The following SPATS2L variants were observed in gnomAD, a reference collection of about 807,000 sequenced individuals.
SPATS2L encodes spermatogenesis associated serine rich 2 like.
Under a neutral mutation model 59.6 loss-of-function variants are expected in SPATS2L, and 30 were observed. The ratio of observed to expected loss-of-function variants is 0.50; its 90% CI spans 0.38 to 0.68. The LOEUF (loss-of-function observed/expected upper bound fraction) is 0.68, where lower values mean the gene tolerates loss of function less well. Among genes scored for constraint, SPATS2L ranks in the 30% least tolerant of loss-of-function variants. The pLI, the probability that SPATS2L is intolerant of heterozygous loss-of-function variation, is 0.00. For synonymous variants in SPATS2L, 252 were observed against 263.5 expected (o/e 0.96, Z 0.42); for missense variants, 615 against 700.0 (o/e 0.88, Z 1.37).
intron 4 of SPATS2L, 132 bp from the exon 5 acceptor site, chr2:200,416,247 G>A (rs1443819003): frequency 2.4e-6 from 1 of 422,858 alleles, no homozygotes; most frequent in Non-Finnish European, 4.1e-6. Context: ...TATTAAGATA[G>A]GATGTATCAA....
chr2:200,472,347 T>C (rs2087114577), intron 11 of SPATS2L, among the ~76,000 whole-genome samples: 1 of 152,196 alleles, frequency 6.6e-6, no homozygotes, highest in African/African-American at 2.4e-5. Flanking sequence ...TCTCAGAACA[T>C]CGTGGATCTG....
chr2:200,408,471 C>T (rs1245059034), intron 3 of SPATS2L, among the ~76,000 whole-genome samples: 3 of 152,168 alleles, frequency 2.0e-5, no homozygotes, highest in Admixed American at 2.0e-4. Flanking sequence ...TTTGATAATG[C>T]CGGGTCTTTG....
In SPATS2L at chr2:200,477,963, C is replaced by T; in HGVS notation, c.1609C>T (p.Pro537Ser). 2 of 1,606,482 alleles carry T rather than the reference C, an allele frequency of 1.2e-6. No individual in the cohort carries two copies. Among genetic ancestry groups the T allele is most frequent in the Non-Finnish European group, 1.7e-6 (2 of 1,177,076 alleles). Residue 537 changes from proline (P) to serine (S), a missense_variant, in exon 13 of 13, where the codon CCC becomes TCC. This residue lies in a region of SPATS2L where 284 missense variants were observed against 280.1 expected (regional missense o/e 1.01). Transcript: ENST00000409140. Reference sequence around the variant, plus strand: ...TAGGGTTTCACAGTGCAATCTCTGCCCCACGAGAATAGAAGTTTCCACAGA... The same window carrying T: ...TAGGGTTTCACAGTGCAATCTCTGCTCCACGAGAATAGAAGTTTCCACAGA... ...VGRVSQCNLC[P>S]TRIEVSTDAA...
intron 9 of SPATS2L, among the ~76,000 whole-genome samples, chr2:200,466,430 A>G (rs1420842663): frequency 6.6e-6 from 1 of 152,266 alleles, no homozygotes; most frequent in Non-Finnish European, 1.5e-5. Context: ...GTGTGTCTGT[A>G]TTGATTGCTA....
chr2:200,306,233 A>G (rs938389519), upstream of SPATS2L: 7 of 1,002,244 alleles, frequency 7.0e-6, no homozygotes, highest in Admixed American at 4.3e-4. Context: ...ACTACCTTCT[A>G]AAAGGAAAAA....
intron 9 of SPATS2L, among the ~76,000 whole-genome samples, chr2:200,464,108 T>G (rs1025385917): frequency 1.3e-5 from 2 of 152,252 alleles, no homozygotes; most frequent in South Asian, 4.1e-4. Context: ...TCTACAGATT[T>G]CTGAAAGCAT....
At position 200,467,490 on chromosome 2, in the gene SPATS2L, G is replaced by A. The variant is rs548367116; in HGVS notation, c.957+91G>A. The A allele has an allele frequency of 4.4e-5, 38 of 865,380 alleles. No homozygotes were observed. The East Asian group carries it at 7.3e-4, about 17-fold the overall frequency. The allele number at this position is 865,380 out of a possible 1,614,324, so 53.6% of individuals were successfully genotyped here. A position where few individuals can be genotyped will look rare whatever the true frequency, so the allele number is the denominator to read the frequency against. On this transcript the variant is annotated intron_variant, in intron 10 of 12. Transcript: ENST00000409140. ...GCATCCACAGAGTTCTGCTCTCTGA[G>A]GATCTAACATGTACACCCAGCTCTC...
rs1397325603 is a variant in SPATS2L at position 200,412,422 on chromosome 2, A to G, written c.148+3A>G. The G allele has an allele frequency of 5.8e-6, 9 of 1,541,020 alleles. No individual in the cohort carries two copies. The highest frequency in any genetic ancestry group is 7.1e-6 in the Non-Finnish European group (8 of 1,123,228). On this transcript the variant is annotated splice_donor_region_variant and intron_variant, in intron 4 of 12. Coordinates refer to ENST00000409140, the MANE Select transcript of SPATS2L (RefSeq NM_001100423.2). ...AGCCGTGCAAGCCTTTGTGGATGGT[A>G]GGTATACCTGTACCCTGCAGCTGAA...
chr2:200,434,509 T>C (rs2084149557), intron 6 of SPATS2L, among the ~76,000 whole-genome samples: 1 of 152,030 alleles, frequency 6.6e-6, no homozygotes, highest in Non-Finnish European at 1.5e-5. Flanking sequence ...CCAGAACTAA[T>C]AAGGACATTA....
At chr2:200,323,794 T>A (rs535299387) in intron 1 of SPATS2L, among the ~76,000 whole-genome samples, 1 of 152,212 alleles carries the variant, frequency 6.6e-6, no homozygotes, top group Admixed American at 6.5e-5. Flanking sequence ...TGTATTTTAC[T>A]CTTCAATAAG....
intron 2 of SPATS2L, among the ~76,000 whole-genome samples, chr2:200,350,485 A>G (rs1340983177): frequency 1.3e-5 from 2 of 151,760 alleles, no homozygotes; most frequent in Middle Eastern, 3.2e-3. Context: ...TATTATTTAA[A>G]TTTTTCTCTC....
chr2:200,462,048 C>T (rs959071496), intron 9 of SPATS2L, among the ~76,000 whole-genome samples: 2 of 152,168 alleles, frequency 1.3e-5, no homozygotes, highest in African/African-American at 2.4e-5. Context: ...TTGTTGACAT[C>T]TTCAGTAACA....
chr2:200,455,787 G>A (rs1325105355), intron 8 of SPATS2L, among the ~76,000 whole-genome samples: 1 of 152,108 alleles, frequency 6.6e-6, no homozygotes, highest in Non-Finnish European at 1.5e-5. Context: ...GAGTTGTCAA[G>A]CCACACTTGA....
At chr2:200,307,041 C>T in intron 1 of SPATS2L, 119 bp downstream of exon 1, 1 of 863,092 alleles carries the variant, frequency 1.2e-6, no homozygotes, top group Non-Finnish European at 1.4e-6. Context: ...GCAGCCCGGG[C>T]CGCCCAGCCT....
At chr2:200,366,122 C>T (rs2081260961) in intron 2 of SPATS2L, among the ~76,000 whole-genome samples, 2 of 152,158 alleles carry the variant, frequency 1.3e-5, no homozygotes, top group African/African-American at 4.8e-5. Context: ...CAAACATGAA[C>T]ATATTGGGAT....
chr2:200,423,985 A>G (rs148234646), intron 6 of SPATS2L, among the ~76,000 whole-genome samples: 36 of 152,336 alleles, frequency 2.4e-4, no homozygotes, highest in Admixed American at 3.3e-4. Context: ...AAGCATCATC[A>G]TTTCAGGCTG....
chr2:200,459,157 C>T (rs2086066500), intron 8 of SPATS2L, among the ~76,000 whole-genome samples: 1 of 152,274 alleles, frequency 6.6e-6, no homozygotes, highest in Non-Finnish European at 1.5e-5. Context: ...CAGGTAATAC[C>T]TTTTCGAAGG....
intron 2 of SPATS2L, among the ~76,000 whole-genome samples, chr2:200,333,626 A>G (rs2080034797): frequency 1.3e-5 from 2 of 152,012 alleles, no homozygotes; most frequent in East Asian, 1.9e-4. Flanking sequence ...AACATTAGGT[A>G]TATCTCCTAA....
At chr2:200,377,361 G>A (rs1405844484) in intron 2 of SPATS2L, among the ~76,000 whole-genome samples, 1 of 152,198 alleles carries the variant, frequency 6.6e-6, no homozygotes, top group Non-Finnish European at 1.5e-5. Context: ...TTACTTAAGG[G>A]CCCAAGATCC....
Sources: allele counts gnomAD v4.1 joint callset (sites outside exome capture counted in the v4.1 genomes callset), GRCh38; gene constraint gnomAD v4.1.1; regional missense constraint gnomAD v4.1.1; transcripts MANE v1.5; gene names NCBI Gene and HGNC (gene_info 2026-07-23, HGNC 2026-07-21).